Variants in COL21A1 observed in about 807,000 individuals in gnomAD.
COL21A1 encodes the protein collagen type XXI alpha 1 chain, also known as collagen alpha-1(XXI) chain.
In COL21A1, 149 loss-of-function variants were observed where a neutral mutation model predicts 137.9. The ratio of observed to expected loss-of-function variants is 1.08; its 90% CI spans 0.95 to 1.24. The LOEUF (loss-of-function observed/expected upper bound fraction) is 1.24, where lower values mean the gene tolerates loss of function less well. COL21A1 is among the 50% of genes most tolerant of loss of function. The pLI is 0.00. For missense variants in COL21A1, 1,167 were observed against 1,158.4 expected (o/e 1.01, Z -0.11); for synonymous variants, 456 against 391.5 (o/e 1.16, Z -1.95).
At chr6:56,283,859 C>A (rs964313371) in intron 1 of COL21A1, among the ~76,000 whole-genome samples, 5 of 86,734 alleles carry the variant, frequency 5.8e-5, no homozygotes, top group Admixed American at 2.4e-4. Flanking sequence ...TATCTGTAGA[C>A]ACACTCACAC....
chr6:56,267,442 G>A (rs1215585066), intron 1 of COL21A1, among the ~76,000 whole-genome samples: 1 of 152,092 alleles, frequency 6.6e-6, no homozygotes, highest in African/African-American at 2.4e-5. Flanking sequence ...AAAAAACCTG[G>A]GTCCCCAAAC....
intron 1 of COL21A1, among the ~76,000 whole-genome samples, chr6:56,213,935 G>T (rs746578799): frequency 1.3e-5 from 2 of 152,082 alleles, no homozygotes; most frequent in Non-Finnish European, 2.9e-5. Context: ...ATTGTGACTG[G>T]AGGGTGACCC....
At chr6:56,302,739 T>C (rs1764332679) in intron 1 of COL21A1, among the ~76,000 whole-genome samples, 2 of 150,806 alleles carry the variant, frequency 1.3e-5, no homozygotes. Flanking sequence ...TTTAATTAGA[T>C]CCCATTTGTC....
chr6:56,181,804 T>G (rs1473771171), intron 2 of COL21A1, among the ~76,000 whole-genome samples: 2 of 152,154 alleles, frequency 1.3e-5, no homozygotes, highest in African/African-American at 2.4e-5. Context: ...GGTAAGCCCC[T>G]TAACTTATTA....
At chr6:56,305,456 C>T (rs1156285146) in intron 1 of COL21A1, among the ~76,000 whole-genome samples, 1 of 152,136 alleles carries the variant, frequency 6.6e-6, no homozygotes. Flanking sequence ...GTTAGCTCTT[C>T]TTGTTGAATT....
At chr6:56,222,181 G>A (rs1328475319) in intron 1 of COL21A1, among the ~76,000 whole-genome samples, 1 of 152,232 alleles carries the variant, frequency 6.6e-6, no homozygotes, top group East Asian at 1.9e-4. Context: ...GCTGAGGCAG[G>A]AGAATCACTT....
At chr6:56,346,152 C>T (rs569142050) in intron 1 of COL21A1, among the ~76,000 whole-genome samples, 2 of 152,148 alleles carry the variant, frequency 1.3e-5, no homozygotes, top group African/African-American at 2.4e-5. Context: ...TCTATGTGGC[C>T]AATGCGCAGA....
rs1346012166 is a variant in COL21A1, at chr6:56,170,855, G to A, written c.820C>T (p.Pro274Ser). The A allele has an allele frequency of 6.2e-7, 1 of 1,608,870 alleles. No homozygotes were observed. The highest frequency in any genetic ancestry group is 8.5e-7 in the Non-Finnish European group (1 of 1,177,326). Residue 274 changes from proline (P) to serine (S), a missense_variant, in exon 5 of 30, where the codon CCA becomes TCA. Pro to Ser is a moderately conservative substitution (Grantham distance 74). Coordinates refer to ENST00000244728, the MANE Select transcript of COL21A1 (RefSeq NM_030820.4). ...DLSELTSNVF[P>S]EGLPPSYVFV... ...ACATATGATGGAGGAAGACCTTCTG[G>A]GAAAACATTGCTAGAAAAAGAAGAG...
intron 1 of COL21A1, among the ~76,000 whole-genome samples, chr6:56,256,644 G>T (rs1782980107): frequency 6.6e-6 from 1 of 151,980 alleles, no homozygotes; most frequent in African/African-American, 2.4e-5. Flanking sequence ...ATAGACTTAA[G>T]ATTTTCAAGC....
chr6:56,218,274 A>C (rs1280595617), intron 1 of COL21A1, among the ~76,000 whole-genome samples: 1 of 149,870 alleles, frequency 6.7e-6, no homozygotes, highest in Non-Finnish European at 1.5e-5. Flanking sequence ...ATTATTTCCT[A>C]GCATAAAAGT....
intron 1 of COL21A1, among the ~76,000 whole-genome samples, chr6:56,219,940 C>T (rs1361004275): frequency 8.5e-5 from 13 of 152,252 alleles, no homozygotes; most frequent in Admixed American, 4.6e-4. Flanking sequence ...CCAATCAAGG[C>T]ACTTAACTGT....
In COL21A1 at chr6:56,141,792, C is replaced by T. The variant is rs1284832054; in HGVS notation, c.1535G>A (p.Gly512Asp). 6.2e-7 allele frequency: 1 copy of T among 1,613,694 alleles called. No homozygotes were observed. The highest frequency in any genetic ancestry group is 8.5e-7 in the Non-Finnish European group (1 of 1,179,708). ...PGYKGEPGRDGDKGDRGLPGF... is the reference protein window; with the variant it reads ...PGYKGEPGRDDDKGDRGLPGF... ...ATTTTTGTGTGTGTTTACCTTGTCA[C>T]CATCTCGCCCTGGTTCTCCTTTGTA... Residue 512 changes from glycine (G) to aspartate (D), a missense_variant, in exon 12 of 30, where the codon GGT (glycine) becomes GAT (aspartate). Physicochemically the swap from Gly to Asp is moderately conservative, Grantham distance 94. Transcript: ENST00000244728.
At chr6:56,319,034 C>T (rs1764808132) in intron 1 of COL21A1, among the ~76,000 whole-genome samples, 1 of 152,062 alleles carries the variant, frequency 6.6e-6, no homozygotes, top group African/African-American at 2.4e-5. Context: ...ATCAAATAGT[C>T]AATTCTCAGT....
intron 9 of COL21A1, among the ~76,000 whole-genome samples, chr6:56,163,986 A>G (rs1776382020): frequency 6.6e-6 from 1 of 152,218 alleles, no homozygotes; most frequent in East Asian, 1.9e-4. Context: ...TATCAAACTC[A>G]CAATAATAAA....
intron 1 of COL21A1, among the ~76,000 whole-genome samples, chr6:56,321,977 C>A (rs972653429): frequency 1.3e-5 from 2 of 152,056 alleles, no homozygotes; most frequent in Non-Finnish European, 2.9e-5. Flanking sequence ...AACAACCAAC[C>A]ATTTCTAAAT....
intron 1 of COL21A1, among the ~76,000 whole-genome samples, chr6:56,189,063 C>G (rs551227241): frequency 6.6e-6 from 1 of 152,220 alleles, no homozygotes; most frequent in Non-Finnish European, 1.5e-5. Context: ...CTCTTCTCCT[C>G]CAAAGGATCA....
intron 1 of COL21A1, among the ~76,000 whole-genome samples, chr6:56,319,810 T>C (rs1353286775): frequency 6.6e-6 from 1 of 152,178 alleles, no homozygotes. Context: ...CAGGCTGTGT[T>C]AGGTCACGTC....
chr6:56,295,829 A>AT (rs1301838883), intron 1 of COL21A1, among the ~76,000 whole-genome samples: 1 of 151,820 alleles, frequency 6.6e-6, no homozygotes, highest in East Asian at 1.9e-4. Flanking sequence ...TAGTATTAGG[A>AT]TTTTTTTGTT....
At chr6:56,316,687 G>T (rs1764746552) in intron 1 of COL21A1, among the ~76,000 whole-genome samples, 6 of 150,642 alleles carry the variant, frequency 4.0e-5, no homozygotes, top group Admixed American at 4.0e-4. Context: ...TTGTCATGTT[G>T]CCCAGGCTGG....
Sources: gnomAD v4.1 joint callset for allele counts (sites outside exome capture counted in the v4.1 genomes callset) on GRCh38, gnomAD v4.1.1 for gene constraint, MANE v1.5 for transcripts, NCBI Gene and HGNC (gene_info 2026-07-23, HGNC 2026-07-21) for gene names.